Variants in MAN1A1 observed in about 807,000 individuals in gnomAD.
The protein encoded by MAN1A1 is mannosidase alpha class 1A member 1, also known as mannosyl-oligosaccharide 1,2-alpha-mannosidase IA.
MAN1A1 carries 29 observed loss-of-function variants against 70.8 expected under a neutral mutation model. That is an observed-to-expected ratio of 0.41 (90% CI 0.31 to 0.56). The LOEUF (loss-of-function observed/expected upper bound fraction) is 0.56, where lower values mean the gene tolerates loss of function less well. MAN1A1 is among the 20% of genes least tolerant of loss of function. The pLI, the probability that MAN1A1 is intolerant of heterozygous loss-of-function variation, is 0.29. For missense variants in MAN1A1, 747 were observed against 841.3 expected (o/e 0.89, Z 1.39); for synonymous variants, 349 against 330.1 (o/e 1.06, Z -0.62).
intron 11 of MAN1A1, among the ~76,000 whole-genome samples, chr6:119,182,064 A>G (rs569755025): frequency 6.6e-6 from 1 of 152,332 alleles, no homozygotes; most frequent in Admixed American, 6.5e-5. Context: ...ATTTTTGATA[A>G]TAGCCATTTA....
intron 5 of MAN1A1, among the ~76,000 whole-genome samples, chr6:119,281,945 C>T (rs549056513): frequency 2.6e-5 from 4 of 151,870 alleles, no homozygotes; most frequent in Admixed American, 2.6e-4. Flanking sequence ...GTCTGTAATC[C>T]CAGCTACTCG....
intron 5 of MAN1A1, among the ~76,000 whole-genome samples, chr6:119,278,169 C>T (rs1776129295): frequency 6.6e-6 from 1 of 151,530 alleles, no homozygotes; most frequent in African/African-American, 2.4e-5. Flanking sequence ...AAAACAAAAA[C>T]CAATGACAAA....
At chr6:119,294,470 CCTAT>C (rs780308156) in intron 4 of MAN1A1, among the ~76,000 whole-genome samples, 43 of 152,004 alleles carry the variant, frequency 2.8e-4, no homozygotes, top group Non-Finnish European at 5.4e-4. Context: ...TTGCAGTCTA[CCTAT>C]CTGAGTTTGT....
At chr6:119,213,374 G>C (rs1774103748) in intron 6 of MAN1A1, among the ~76,000 whole-genome samples, 2 of 151,918 alleles carry the variant, frequency 1.3e-5, no homozygotes, top group African/African-American at 4.8e-5. Context: ...GCTGTGTTAT[G>C]AAACACTTTG....
At chr6:119,317,082 A>C (rs976653756) in intron 2 of MAN1A1, among the ~76,000 whole-genome samples, 4 of 151,872 alleles carry the variant, frequency 2.6e-5, no homozygotes, top group Admixed American at 1.3e-4. Flanking sequence ...TCTAAAACAG[A>C]CTTTTTTTTA....
intron 5 of MAN1A1, chr6:119,269,566 C>A: frequency 5.1e-6 from 1 of 194,490 alleles, no homozygotes. Flanking sequence ...GTACTCCAAC[C>A]TGTTTCTGTG....
At chr6:119,230,861 T>C (rs957073295) in intron 6 of MAN1A1, among the ~76,000 whole-genome samples, 6 of 152,212 alleles carry the variant, frequency 3.9e-5, no homozygotes, top group African/African-American at 1.4e-4. Context: ...AATGGAACTT[T>C]GTGGAGTCCC....
At chr6:119,289,047 T>C (rs1582771364) in intron 5 of MAN1A1, among the ~76,000 whole-genome samples, 1 of 124,400 alleles carries the variant, frequency 8.0e-6, no homozygotes, top group Non-Finnish European at 1.7e-5. Context: ...CAAACTATAA[T>C]ATCTGTGGGT....
At position 119,226,340 on chromosome 6, in the gene MAN1A1, G is replaced by C. The variant is rs745556244; in HGVS notation, c.993-21458C>G. On this transcript the variant is annotated intron_variant, in intron 6 of 12. Coordinates refer to ENST00000368468, the MANE Select transcript of MAN1A1 (RefSeq NM_005907.4). ...ACACAAGGGTGACGCACAGCAGCCT[G>C]GGTGGACGCTGCACATGACACTGGC... Among the ~76,000 whole-genome samples the C allele has an allele frequency of 1.6e-4, 24 of 152,292 alleles. No individual in the cohort carries two copies. In the South Asian group the frequency reaches 2.1e-3, roughly 13 times the overall value.
In MAN1A1 at chr6:119,319,042, C is replaced by T. The variant is rs138545140; in HGVS notation, c.604-12050G>A. Among the ~76,000 whole-genome samples, 280 of 152,238 alleles carry T rather than the reference C, an allele frequency of 1.8e-3. 1 individual carries two copies. Among genetic ancestry groups the T allele is most frequent in the African/African-American group, 6.4e-3 (264 of 41,544 alleles). On this transcript the variant is annotated intron_variant, in intron 2 of 12. Transcript: ENST00000368468. ...ATTAAACACATGCAGAAAAAAAGTA[C>T]TGAGATATGGATTATTTTTCAAAGC...
intron 8 of MAN1A1, among the ~76,000 whole-genome samples, chr6:119,199,501 A>G (rs576799323): frequency 6.6e-6 from 1 of 152,292 alleles, no homozygotes; most frequent in Admixed American, 6.5e-5. Context: ...AGAACATGAC[A>G]AAGGTGTGTA....
Position 119,177,361 on chromosome 6 carries a change from G to A in MAN1A1, c.*2458C>T, listed in dbSNP as rs1773033190. The stretch of plus-strand genomic sequence containing the variant: ...TATGTAAAAATAAAAAACAATCAAT[G>A]TACACAATGTGTAGCTCATATGAAA... On this transcript the variant is annotated 3_prime_UTR_variant, in exon 13 of 13. Transcript: ENST00000368468. 1 of 152,016 alleles carries A rather than the reference G, an allele frequency of 6.6e-6. No homozygotes were observed. Among genetic ancestry groups the A allele is most frequent in the Non-Finnish European group, 1.5e-5 (1 of 67,916 alleles). The allele number at this position is 152,016 out of a possible 1,614,324, so 9.4% of individuals were successfully genotyped here.
chr6:119,337,536 G>A lies in MAN1A1; in HGVS notation c.603+10927C>T, dbSNP rs1773489039. ...AAGCTCTTTCTCCTGCCCTCAATAT[G>A]ATAGTTCTGGAAGGGACGGACGACT... is the stretch of plus-strand genomic sequence containing the variant. On this transcript the variant is annotated intron_variant, in intron 2 of 12. Coordinates refer to ENST00000368468, the MANE Select transcript of MAN1A1 (RefSeq NM_005907.4). 3.3e-5 allele frequency among the ~76,000 whole-genome samples: 5 copies of A among 152,180 alleles called. No homozygotes were observed. The South Asian group carries it at 1.0e-3, about 31-fold the overall frequency.
chr6:119,339,414 G>C (rs908662415), intron 2 of MAN1A1, among the ~76,000 whole-genome samples: 2 of 152,172 alleles, frequency 1.3e-5, no homozygotes, highest in Admixed American at 1.3e-4. Context: ...GTTAAATAAA[G>C]TATCATGTTT....
intron 5 of MAN1A1, among the ~76,000 whole-genome samples, chr6:119,282,338 C>T (rs1776245199): frequency 6.6e-6 from 1 of 152,140 alleles, no homozygotes; most frequent in Non-Finnish European, 1.5e-5. Context: ...GAGGGACAAA[C>T]AGAACAGATC....
At chr6:119,269,006 C>G (rs892752871) in intron 5 of MAN1A1, 1 of 152,434 alleles carries the variant, frequency 6.6e-6, no homozygotes, top group African/African-American at 2.4e-5. Flanking sequence ...TTCCTTACCC[C>G]CAGCTTCCTA....
Position 119,307,590 on chromosome 6 carries a change from T to C in MAN1A1, c.604-598A>G, listed in dbSNP as rs977300578. Among the ~76,000 whole-genome samples, 4 of 151,660 alleles carry C rather than the reference T, an allele frequency of 2.6e-5. No homozygotes were observed. The Admixed American group carries it at 2.6e-4, about 10-fold the overall frequency. The stretch of plus-strand genomic sequence containing the variant: ...TGTAATCAATCTTTAATTGGATACA[T>C]GTGTGTATATGTATGTAACTGAAGA... On this transcript the variant is annotated intron_variant, in intron 2 of 12. Coordinates refer to ENST00000368468, the MANE Select transcript of MAN1A1 (RefSeq NM_005907.4).
chr6:119,248,719 G>C (rs1324841912), intron 5 of MAN1A1, among the ~76,000 whole-genome samples: 1 of 152,142 alleles, frequency 6.6e-6, no homozygotes, highest in Non-Finnish European at 1.5e-5. Context: ...CAAGCCAGTG[G>C]GAGAACCACT....
At chr6:119,304,962 A>G (rs189925109) in intron 3 of MAN1A1, among the ~76,000 whole-genome samples, 6 of 152,322 alleles carry the variant, frequency 3.9e-5, no homozygotes, top group Admixed American at 3.9e-4. Flanking sequence ...ATCCATAAAA[A>G]TGAAAACTTT....
Sources: allele counts gnomAD v4.1 joint callset (sites outside exome capture counted in the v4.1 genomes callset), GRCh38; gene constraint gnomAD v4.1.1; transcripts MANE v1.5; gene names NCBI Gene and HGNC (gene_info 2026-07-23, HGNC 2026-07-21).